The following ZNF469 variants were observed in gnomAD, a reference collection of about 807,000 sequenced individuals.
ZNF469 encodes the protein zinc finger protein 469.
A neutral mutation model predicts 1.0 loss-of-function variants in ZNF469; 1 was observed. That is an observed-to-expected ratio of 1.00 (90% confidence interval 0.35 to 4.73). The LOEUF (loss-of-function observed/expected upper bound fraction) is 4.73, where lower values mean the gene tolerates loss of function less well. Ranked by LOEUF, ZNF469 falls within the 30% of genes most tolerant of loss-of-function variation. ZNF469 has a pLI of 0.16. For synonymous variants in ZNF469, 2,703 were observed against 2,363.4 expected (o/e 1.14, Z -4.17); for missense variants, 6,100 against 5,356.3 (o/e 1.14, Z -4.33).
At chr16:88,261,505 G>C in the ZNF469 span, among the ~76,000 whole-genome samples, 1 of 152,230 alleles carries the variant, frequency 6.6e-6, no homozygotes, top group Non-Finnish European at 1.5e-5. This position sits in a 1 kb window ranked among gnomAD's most constrained non-coding sequence, Gnocchi z 6.0. Flanking sequence ...TTCTGCTGAC[G>C]GATGGGCAGC....
At chr16:88,111,641 G>C in the ZNF469 span, among the ~76,000 whole-genome samples, 358 of 152,012 alleles carry the variant, frequency 2.4e-3, 1 homozygote, top group African/African-American at 8.4e-3. Flanking sequence ...TGTTTGTTTT[G>C]TTTGTTTGTT....
chr16:88,436,266 A>C lies in ZNF469; in HGVS notation c.8796A>C (p.Ala2932=). 6.5e-7 allele frequency: 1 copy of C among 1,549,928 alleles called. No homozygotes were observed. Among genetic ancestry groups the C allele is most frequent in the East Asian group, 2.4e-5 (1 of 40,898 alleles). Residue 2932 remains alanine (A), a synonymous_variant, in exon 3 of 3, where the codon GCA becomes GCC. Transcript: ENST00000565624. ...ACCCGTGGGAGGACGAGGATCCCGC[A>C]GGTCTGCCCGAGTCCTTCCTCCTGG... ...HEDPWEDEDP[A]GLPESFLLDG... is the part of the protein sequence containing the mutation.
rs1284670785 is a variant in ZNF469 at position 88,431,250 on chromosome 16, C to G, written c.3780C>G (p.Pro1260=). 11 of 1,550,358 alleles carry G rather than the reference C, an allele frequency of 7.1e-6. No homozygotes were observed. Among genetic ancestry groups the G allele is most frequent in the African/African-American group, 2.7e-5 (2 of 73,178 alleles). Residue 1260 remains proline, a synonymous_variant, in exon 3 of 3, where the codon CCC becomes CCG. Coordinates refer to ENST00000565624, the MANE Select transcript of ZNF469 (RefSeq NM_001367624.2). ...AACAGEMGAS[P]GLLIPEQPPP... is the part of the protein sequence containing the mutation. ...GTGCGGGAGAAATGGGAGCAAGCCCCGGTCTCCTGATACCAGAGCAGCCGC... is the reference window on the plus strand; with the variant it reads ...GTGCGGGAGAAATGGGAGCAAGCCCGGGTCTCCTGATACCAGAGCAGCCGC...
chr16:88,239,659 T>TA, the ZNF469 span, among the ~76,000 whole-genome samples: 2 of 113,214 alleles, frequency 1.8e-5, no homozygotes, highest in African/African-American at 6.9e-5. Context: ...GGCTTATTTT[T>TA]TTTTTTTGTA....
chr16:88,378,714 C>G (rs142694593), upstream of ZNF469, among the ~76,000 whole-genome samples: 361 of 152,366 alleles, frequency 2.4e-3, no homozygotes, highest in African/African-American at 8.0e-3. Flanking sequence ...ACAGGCTCGA[C>G]CACTAACTGC....
chr16:88,397,891 C>T (rs558749607), intron 1 of ZNF469, among the ~76,000 whole-genome samples: 1 of 152,206 alleles, frequency 6.6e-6, no homozygotes, highest in South Asian at 2.1e-4. Context: ...AGGAACTCAG[C>T]TTTTGCTTCA....
the ZNF469 span, among the ~76,000 whole-genome samples, chr16:88,235,916 C>T: frequency 6.6e-6 from 1 of 152,162 alleles, no homozygotes; most frequent in Non-Finnish European, 1.5e-5. Context: ...TGGCTCTGCC[C>T]AGAAAGGCGG....
At chr16:88,407,467 C>T (rs1342466378) in intron 1 of ZNF469, among the ~76,000 whole-genome samples, 1 of 152,226 alleles carries the variant, frequency 6.6e-6, no homozygotes, top group Admixed American at 6.5e-5. Flanking sequence ...AATTGAGTAC[C>T]CTGCCTGATC....
chr16:88,357,913 G>T, the ZNF469 span, among the ~76,000 whole-genome samples: 4,592 of 152,344 alleles, frequency 0.03, 246 homozygotes, highest in African/African-American at 0.1. Flanking sequence ...AACAAGAAGC[G>T]CCTCTTCTGC....
At chr16:88,343,932 C>A in the ZNF469 span, among the ~76,000 whole-genome samples, 8 of 152,044 alleles carry the variant, frequency 5.3e-5, no homozygotes, top group South Asian at 1.0e-3. Context: ...CAAACACGAC[C>A]TCGGCCAGGA....
the ZNF469 span, among the ~76,000 whole-genome samples, chr16:88,284,635 A>C: frequency 6.9e-6 from 1 of 145,726 alleles, no homozygotes; most frequent in African/African-American, 2.5e-5. Context: ...AAAAAAGAAC[A>C]GGCTCCTGTA....
chr16:88,150,095 G>A, the ZNF469 span, among the ~76,000 whole-genome samples: 4 of 152,188 alleles, frequency 2.6e-5, no homozygotes, highest in Admixed American at 2.6e-4. Context: ...ATCACCTGAG[G>A]TCAGAAGTTC....
At position 88,438,211 on chromosome 16, in the gene ZNF469, G is replaced by A. The variant is rs552510121; in HGVS notation, c.10741G>A (p.Glu3581Lys). The A allele has an allele frequency of 1.1e-5, 17 of 1,546,866 alleles. 1 individual carries two copies. Among genetic ancestry groups the A allele is most frequent in the South Asian group, 4.8e-5 (4 of 83,962 alleles). ...CGGAGCCCTGGAGAGGCCAGAGAACGAGGCTTCCCCAGGCAGCCCCGGGCC... is the reference window on the plus strand; with the variant it reads ...CGGAGCCCTGGAGAGGCCAGAGAACAAGGCTTCCCCAGGCAGCCCCGGGCC... The part of the protein sequence containing the change: ...LDGALERPEN[E>K]ASPGSPGPLL... The change falls in exon 3 of 3, where the codon GAG becomes AAG. Residue 3581 changes from glutamate to lysine, a missense_variant. By Grantham distance (56) the Glu-to-Lys change is moderately conservative. Coordinates refer to ENST00000565624, the MANE Select transcript of ZNF469 (RefSeq NM_001367624.2).
the ZNF469 span, among the ~76,000 whole-genome samples, chr16:88,334,682 A>C: frequency 2.0e-5 from 3 of 152,376 alleles, no homozygotes; most frequent in African/African-American, 7.2e-5. Flanking sequence ...TGATTGCACT[A>C]AAGATCTCAA....
At chr16:88,109,580 CA>C in the ZNF469 span, among the ~76,000 whole-genome samples, 27 of 140,140 alleles carry the variant, frequency 1.9e-4, 2 homozygotes, top group African/African-American at 6.8e-4. Flanking sequence ...GTCTCCTCTC[CA>C]GGATCAGGAG....
At chr16:88,109,038 T>A in the ZNF469 span, among the ~76,000 whole-genome samples, 1 of 152,218 alleles carries the variant, frequency 6.6e-6, no homozygotes, top group South Asian at 2.1e-4. Context: ...GCCACCAAGT[T>A]CAGAGGTGAC....
chr16:88,339,845 G>A, the ZNF469 span, among the ~76,000 whole-genome samples: 1 of 145,276 alleles, frequency 6.9e-6, no homozygotes, highest in Non-Finnish European at 1.5e-5. Context: ...GGGGGATGGG[G>A]AACATGGTGG....
chr16:88,118,791 A>G, the ZNF469 span, among the ~76,000 whole-genome samples: 47 of 152,382 alleles, frequency 3.1e-4, no homozygotes, highest in African/African-American at 1.1e-3. Flanking sequence ...TGCAGGCACC[A>G]GTAAGATGTT....
chr16:88,437,902 G>A lies in ZNF469; in HGVS notation c.10432G>A (p.Ala3478Thr), dbSNP rs1028105171. 6.5e-6 allele frequency: 10 copies of A among 1,539,760 alleles called. No individual in the cohort carries two copies. Among genetic ancestry groups the A allele is most frequent in the Non-Finnish European group, 8.8e-6 (10 of 1,140,734 alleles). ...GTLPSKRRRVAMPGSAPGPGE... is the reference protein window; with the variant it reads ...GTLPSKRRRVTMPGSAPGPGE... ...ACTGCCCAGCAAACGGCGCAGGGTGGCCATGCCCGGCAGTGCCCCTGGGCC... is the reference window on the plus strand; with the variant it reads ...ACTGCCCAGCAAACGGCGCAGGGTGACCATGCCCGGCAGTGCCCCTGGGCC... Residue 3478 changes from alanine to threonine, a missense_variant, in exon 3 of 3, where the codon GCC becomes ACC. Transcript: ENST00000565624.
Sources: gnomAD v4.1 joint callset for allele counts (sites outside exome capture counted in the v4.1 genomes callset) on GRCh38, gnomAD v4.1.1 for gene constraint, Gnocchi (gnomAD v3.1) non-coding constraint, MANE v1.5 for transcripts, NCBI Gene and HGNC (gene_info 2026-07-23, HGNC 2026-07-21) for gene names.